The following PPA2 variants were observed in gnomAD, a reference collection of about 807,000 sequenced individuals.
PPA2 encodes the protein inorganic pyrophosphatase 2, mitochondrial.
PPA2 carries 48 observed loss-of-function variants against 49.5 expected under a neutral mutation model. That is an observed-to-expected ratio of 0.97 (90% CI 0.77 to 1.23). The LOEUF (loss-of-function observed/expected upper bound fraction) is 1.23, where lower values mean the gene tolerates loss of function less well. Ranked by LOEUF, PPA2 falls within the 50% of genes most tolerant of loss-of-function variation. The probability of loss-of-function intolerance (pLI) is 0.00; values close to 1 mark genes in which losing one functional copy is unlikely to be tolerated. For missense variants in PPA2, 429 were observed against 410.1 expected (o/e 1.05, Z -0.40); for synonymous variants, 131 against 139.9 (o/e 0.94, Z 0.45).
At chr4:105,440,390 T>C (rs1446319844) in intron 5 of PPA2, among the ~76,000 whole-genome samples, 1 of 151,858 alleles carries the variant, frequency 6.6e-6, no homozygotes. Context: ...GCCTCCCAAG[T>C]GGCTGGAACT....
chr4:105,395,637 A>G (rs1734108872), intron 9 of PPA2, among the ~76,000 whole-genome samples: 2 of 145,988 alleles, frequency 1.4e-5, no homozygotes, highest in Admixed American at 7.2e-5. Context: ...TTTGGTGTAG[A>G]TAACATAATT....
intron 6 of PPA2, among the ~76,000 whole-genome samples, chr4:105,430,775 G>C (rs1398633222): frequency 2.6e-5 from 4 of 152,102 alleles, no homozygotes. Flanking sequence ...ATATTTATAA[G>C]GAAAAACAAA....
chr4:105,432,517 T>A (rs1018905281), intron 6 of PPA2, among the ~76,000 whole-genome samples: 7 of 152,188 alleles, frequency 4.6e-5, no homozygotes, highest in African/African-American at 1.7e-4. Context: ...CATATGGCTA[T>A]AACCTGCAAA....
intron 10 of PPA2, among the ~76,000 whole-genome samples, chr4:105,373,766 T>TACACAC (rs36109695): frequency 0.12 from 18,321 of 148,260 alleles, 1,370 homozygotes; most frequent in East Asian, 0.4. Context: ...TATATTTAAA[T>TACACAC]ACACACACAC....
chr4:105,410,178 C>T (rs560710717), intron 7 of PPA2, among the ~76,000 whole-genome samples: 8 of 152,250 alleles, frequency 5.3e-5, no homozygotes, highest in Middle Eastern at 3.4e-3. Flanking sequence ...AAAGGTTACA[C>T]AAATGGATAA....
chr4:105,371,027 A>G (rs1458852601), intron 10 of PPA2, among the ~76,000 whole-genome samples, 154 bp from the exon 11 acceptor site: 1 of 152,214 alleles, frequency 6.6e-6, no homozygotes, highest in East Asian at 1.9e-4. Context: ...GCTTTTCATT[A>G]TCATTGTTCA....
At chr4:105,455,973 A>AGTG (rs1722860823) in intron 2 of PPA2, 1 of 222,528 alleles carries the variant, frequency 4.5e-6, no homozygotes, top group African/African-American at 2.3e-5. Flanking sequence ...CCTACAACTT[A>AGTG]ATGATGATCA....
At chr4:105,393,223 G>C (rs1272893348) in intron 9 of PPA2, among the ~76,000 whole-genome samples, 1 of 152,096 alleles carries the variant, frequency 6.6e-6, no homozygotes, top group Non-Finnish European at 1.5e-5. Context: ...GCCGGGCGCA[G>C]TGGCTCACAC....
intron 9 of PPA2, among the ~76,000 whole-genome samples, chr4:105,390,860 AT>A (rs1360352493): frequency 6.6e-6 from 1 of 152,232 alleles, no homozygotes; most frequent in African/African-American, 2.4e-5. Context: ...AATATAAATC[AT>A]TCTACTATTA....
Position 105,473,990 on chromosome 4 carries a change from C to T in PPA2, c.61G>A (p.Gly21Arg), listed in dbSNP as rs768422801. ...GAPAAACLRL[G>R]TSAGTGSRRA... is the part of the protein sequence containing the mutation. ...CGCGACCCGGTCCCTGCACTGGTCC[C>T]CAACCGCAGGCACGCAGCGGCTGGG... The change falls in exon 1 of 12, where the codon GGG (glycine) becomes AGG (arginine). Residue 21 changes from glycine (G) to arginine (R), a missense_variant. Transcript: ENST00000341695. 1.9e-6 allele frequency: 3 copies of T among 1,608,702 alleles called. No homozygotes were observed. In the South Asian group the frequency reaches 3.3e-5, roughly 18 times the overall value.
intron 10 of PPA2, among the ~76,000 whole-genome samples, chr4:105,377,284 C>G (rs1733294686): frequency 6.6e-6 from 1 of 152,140 alleles, no homozygotes; most frequent in African/African-American, 2.4e-5. Context: ...ATCGATTTAA[C>G]TCAACTACAC....
intron 1 of PPA2, among the ~76,000 whole-genome samples, chr4:105,470,673 A>G (rs7673736): frequency 6.6e-6 from 1 of 152,246 alleles, no homozygotes; most frequent in African/African-American, 2.4e-5. Flanking sequence ...GGAAAAATAA[A>G]TAACATTTAT....
At position 105,388,788 on chromosome 4, in the gene PPA2, G is replaced by T. The variant is rs1733782849; in HGVS notation, c.870-2152C>A. On this transcript the variant is annotated intron_variant, in intron 9 of 11. Transcript: ENST00000341695. ...TGCAGTGAGCCGAGATGGCGCCACT[G>T]CACTCCAGCTTGGGTGACAGAGCAA... 3.6e-5 allele frequency among the ~76,000 whole-genome samples: 5 copies of T among 137,660 alleles called. No individual in the cohort carries two copies. The South Asian group carries it at 8.9e-4, about 25-fold the overall frequency. 90.3% of individuals were successfully genotyped at this position (137,660 alleles called of 152,430 possible).
chr4:105,427,827 C>CA (rs1166353277), intron 6 of PPA2, among the ~76,000 whole-genome samples: 1 of 152,128 alleles, frequency 6.6e-6, no homozygotes, highest in Admixed American at 6.5e-5. Context: ...GGCCAACATT[C>CA]AAATTCAGGA....
chr4:105,409,557 T>C (rs995848727), intron 7 of PPA2, among the ~76,000 whole-genome samples: 2 of 152,194 alleles, frequency 1.3e-5, no homozygotes, highest in Non-Finnish European at 2.9e-5. Context: ...AGCACAGCGT[T>C]TGAACTCTGA....
At chr4:105,388,319 A>C (rs995717487) in intron 9 of PPA2, among the ~76,000 whole-genome samples, 2 of 152,170 alleles carry the variant, frequency 1.3e-5, no homozygotes, top group African/African-American at 4.8e-5. Flanking sequence ...GTAATCCCCT[A>C]CTCTTACAAC....
chr4:105,441,446 C>T (rs72950590), intron 5 of PPA2, among the ~76,000 whole-genome samples: 182 of 152,090 alleles, frequency 1.2e-3, no homozygotes, highest in African/African-American at 4.2e-3. Flanking sequence ...TAAGGATATA[C>T]GGTACTGGAA....
chr4:105,440,256 T>TG (rs1560632388), intron 5 of PPA2, among the ~76,000 whole-genome samples: 4 of 151,714 alleles, frequency 2.6e-5, no homozygotes, highest in Non-Finnish European at 4.4e-5. Context: ...AATAGGAAGA[T>TG]CTTTTTTTCT....
intron 7 of PPA2, among the ~76,000 whole-genome samples, chr4:105,408,147 G>A (rs1443364265): frequency 6.6e-6 from 1 of 152,108 alleles, no homozygotes; most frequent in African/African-American, 2.4e-5. Context: ...AAACAGTGTG[G>A]GAGTGAAAAA....
Sources: allele counts gnomAD v4.1 joint callset (sites outside exome capture counted in the v4.1 genomes callset), GRCh38; gene constraint gnomAD v4.1.1; transcripts MANE v1.5; gene names NCBI Gene and HGNC (gene_info 2026-07-23, HGNC 2026-07-21).